The following SLC38A8 variants were observed in gnomAD, a reference collection of about 807,000 sequenced individuals.
SLC38A8 encodes amino acid transporter SLC38A8.
A neutral mutation model predicts 46.0 loss-of-function variants in SLC38A8; 65 were observed. That is an observed-to-expected ratio of 1.41 (90% CI 1.16 to 1.74). The LOEUF (loss-of-function observed/expected upper bound fraction) is 1.74. SLC38A8 is among the 40% of genes most tolerant of loss of function. The pLI is 0.00. For missense variants in SLC38A8, 998 were observed against 567.9 expected (o/e 1.76, Z -7.70); for synonymous variants, 447 against 243.7 (o/e 1.83, Z -7.77).
intron 6 of SLC38A8, among the ~76,000 whole-genome samples, chr16:84,024,852 T>C (rs993734220): frequency 6.6e-6 from 1 of 152,100 alleles, no homozygotes; most frequent in Non-Finnish European, 1.5e-5. Context: ...GCTAATTTTT[T>C]ATATTTTTGG....
At position 84,042,148 on chromosome 16, in the gene SLC38A8, G is replaced by C. The variant is rs1270960525; in HGVS notation, c.10C>G (p.Gln4Glu). The C allele has an allele frequency of 1.2e-6, 2 of 1,611,412 alleles. No homozygotes were observed. Among genetic ancestry groups the C allele is most frequent in the South Asian group, 2.2e-5 (2 of 90,568 alleles). ...GGAAGGCCCCTGCTTCCTGGGGTCT[G>C]TCCCTCCATGGCTAGAGGCGGCAGA... is the stretch of plus-strand genomic sequence containing the variant. MEG[Q>E]TPGSRGLPEK... Residue 4 changes from glutamine (Q) to glutamate (E), a missense_variant, in exon 2 of 11, where the codon CAG (glutamine) becomes GAG (glutamate). By Grantham distance (29) the Gln-to-Glu change is conservative. Transcript: ENST00000299709.
chr16:84,022,801 G>T lies in SLC38A8; in HGVS notation c.779C>A (p.Ala260Asp), dbSNP rs1239983284. The change falls in exon 7 of 11, where the codon GCC (alanine) becomes GAC (aspartate). Residue 260 changes from alanine to aspartate, a missense_variant. Ala to Asp is a moderately radical substitution (Grantham distance 126, BLOSUM62 -2). Transcript: ENST00000299709. ...WALVSVLSLL[A>D]CCLIYSLTGV... ...CGTCAGTGAATAGATGAGGCAGCAG[G>T]CCAGCAAGGACAGCACAGACACCAG... is the stretch of plus-strand genomic sequence containing the variant. 1.2e-6 allele frequency: 2 copies of T among 1,613,982 alleles called. No individual in the cohort carries two copies. The highest frequency in any genetic ancestry group is 2.7e-5 in the African/African-American group (2 of 74,928).
intron 9 of SLC38A8, among the ~76,000 whole-genome samples, chr16:84,013,435 T>TTTTTTTTTTTTTTTTTG: frequency 7.7e-6 from 1 of 130,696 alleles, no homozygotes. Flanking sequence ...TTTTTTTTTT[T>TTTTTTTTTTTTTTTTTG]TTTTTTTTTT....
In SLC38A8 at chr16:84,042,003, G is replaced by C; in HGVS notation, c.155C>G (p.Ala52Gly). Residue 52 changes from alanine (A) to glycine (G), a missense_variant, in exon 2 of 11, where the codon GCG (alanine) becomes GGG (glycine). By Grantham distance (60) the Ala-to-Gly change is moderately conservative (BLOSUM62 0). Transcript: ENST00000299709. ...LLNFPWAFSK[A>G]GGVVPAFLVE... Reference sequence around the variant, plus strand: ...CAGGAAGGCAGGGACCACTCCGCCCGCTTTGGAGAAGGCCCAGGGGAAGTT... The same window carrying C: ...CAGGAAGGCAGGGACCACTCCGCCCCCTTTGGAGAAGGCCCAGGGGAAGTT... 8 of 1,610,858 alleles carry C rather than the reference G, an allele frequency of 5.0e-6. No individual in the cohort carries two copies. The highest frequency in any genetic ancestry group is 5.1e-6 in the Non-Finnish European group (6 of 1,178,270).
At chr16:84,031,072 G>C (rs2085232533) in intron 5 of SLC38A8, among the ~76,000 whole-genome samples, 1 of 152,090 alleles carries the variant, frequency 6.6e-6, no homozygotes, top group Non-Finnish European at 1.5e-5. Context: ...ACAGAGTCTT[G>C]CTCTGTTGCC....
chr16:84,032,838 G>A (rs1274895965), intron 4 of SLC38A8, among the ~76,000 whole-genome samples: 1 of 152,166 alleles, frequency 6.6e-6, no homozygotes, highest in African/African-American at 2.4e-5. Flanking sequence ...AACAACCTCT[G>A]TGTGTGTGCA....
intron 9 of SLC38A8, 110 bp from the exon 10 acceptor site, chr16:84,013,162 A>G (rs2084974568): frequency 2.4e-6 from 3 of 1,258,778 alleles, no homozygotes; most frequent in Admixed American, 2.2e-5. Context: ...GCCTCCGCCC[A>G]TGGGTGCCCC....
At chr16:84,017,108 T>A (rs2085037591) in intron 8 of SLC38A8, 32 bp downstream of exon 8, 1 of 1,612,188 alleles carries the variant, frequency 6.2e-7, no homozygotes, top group South Asian at 1.1e-5. Context: ...CAGACCATGC[T>A]TCACGGTGCC....
intron 4 of SLC38A8, among the ~76,000 whole-genome samples, chr16:84,032,674 C>G (rs1245167355): frequency 1.3e-5 from 2 of 152,200 alleles, no homozygotes; most frequent in Non-Finnish European, 2.9e-5. Context: ...CCTTGCAGGG[C>G]AGAGACCTGA....
chr16:84,013,489 G>A (rs1425380811), intron 9 of SLC38A8, among the ~76,000 whole-genome samples: 1 of 129,456 alleles, frequency 7.7e-6, no homozygotes, highest in Admixed American at 9.2e-5. Flanking sequence ...GGAGTGCAGT[G>A]GCACCATCTC....
chr16:84,010,370 C>T (rs1374910517), intron 10 of SLC38A8, among the ~76,000 whole-genome samples: 3 of 152,156 alleles, frequency 2.0e-5, no homozygotes, highest in Admixed American at 6.6e-5. Flanking sequence ...CGTTGCTGGC[C>T]GCAAGCAGTT....
intron 10 of SLC38A8, 33 bp from the exon 11 acceptor site, chr16:84,009,910 T>C (rs996080777): frequency 1.3e-6 from 2 of 1,598,608 alleles, no homozygotes; most frequent in East Asian, 2.2e-5. Context: ...TCAGAGCTTT[T>C]CTGGATTTTT....
intron 6 of SLC38A8, among the ~76,000 whole-genome samples, chr16:84,023,339 T>C (rs2085117872): frequency 6.6e-6 from 1 of 152,106 alleles, no homozygotes; most frequent in East Asian, 1.9e-4. Flanking sequence ...TAAAGGCTCT[T>C]GTACTCCTTT....
intron 2 of SLC38A8, among the ~76,000 whole-genome samples, chr16:84,037,215 C>T (rs963301192): frequency 6.6e-6 from 1 of 152,222 alleles, no homozygotes; most frequent in Non-Finnish European, 1.5e-5. Flanking sequence ...TTAAGTTACT[C>T]TCCTAAAATC....
intron 10 of SLC38A8, among the ~76,000 whole-genome samples, chr16:84,010,344 T>A (rs376696602): frequency 6.6e-6 from 1 of 152,102 alleles, no homozygotes; most frequent in South Asian, 2.1e-4. Flanking sequence ...GTACTGGGAT[T>A]ACAAGCGCAA....
intron 6 of SLC38A8, among the ~76,000 whole-genome samples, chr16:84,026,377 C>T (rs1418645281): frequency 6.6e-6 from 1 of 152,216 alleles, no homozygotes; most frequent in Non-Finnish European, 1.5e-5. Flanking sequence ...CAGGCCCGCA[C>T]CGCCATGCCC....
rs61745837 is a variant in SLC38A8 at position 84,031,895 on chromosome 16, G to C, written c.604C>G (p.Leu202Val). 3.1e-6 allele frequency: 5 copies of C among 1,614,048 alleles called. No individual in the cohort carries two copies. Among genetic ancestry groups the C allele is most frequent in the East Asian group, 4.5e-5 (2 of 44,908 alleles). ...TVQYYLWPQG[L>V]VRESHPSLSP... Reference sequence around the variant, plus strand: ...AGTGAAGGATGGGACTCACGCACGAGGCCCTGGGGCCAGAGGTAGTACTGC... The same window carrying C: ...AGTGAAGGATGGGACTCACGCACGACGCCCTGGGGCCAGAGGTAGTACTGC... Residue 202 changes from leucine to valine, a missense_variant, in exon 5 of 11, where the codon CTC (leucine) becomes GTC (valine). Leu to Val is a conservative substitution (Grantham distance 32, BLOSUM62 1). Transcript: ENST00000299709.
chr16:84,043,154 C>T (rs1413735823), upstream of SLC38A8, among the ~76,000 whole-genome samples: 2 of 152,220 alleles, frequency 1.3e-5, no homozygotes, highest in African/African-American at 2.4e-5. Context: ...CAGAGCTAAT[C>T]CCATGCACAC....
intron 6 of SLC38A8, among the ~76,000 whole-genome samples, chr16:84,028,990 C>T (rs2085202877): frequency 6.6e-6 from 1 of 152,112 alleles, no homozygotes. Context: ...GTATTTCTGC[C>T]CCTTTCCCCT....
Sources: gnomAD v4.1 joint callset for allele counts (sites outside exome capture counted in the v4.1 genomes callset) on GRCh38, gnomAD v4.1.1 for gene constraint, MANE v1.5 for transcripts, NCBI Gene and HGNC (gene_info 2026-07-23, HGNC 2026-07-21) for gene names.